LAMA3: variants seen among roughly 807,000 people sequenced by gnomAD.
The protein encoded by LAMA3 is laminin subunit alpha 3, also known as laminin subunit alpha-3.
In LAMA3, 281 loss-of-function variants were observed where a neutral mutation model predicts 402.0. That is an observed-to-expected ratio of 0.70 (90% CI 0.63 to 0.77). The LOEUF is 0.77. Ranked by LOEUF, LAMA3 falls within the 30% of genes least tolerant of loss-of-function variation. LAMA3 has a pLI of 0.00. For missense variants in LAMA3, 3,840 were observed against 4,215.5 expected, an observed-to-expected ratio of 0.91 and a Z score of 2.47; for synonymous variants, 1,431 against 1,558.4, an observed-to-expected ratio of 0.92 and a Z score of 1.93.
At chr18:23,709,161 C>T (rs1394315357) in intron 1 of LAMA3, among the ~76,000 whole-genome samples, 1 of 151,984 alleles carries the variant, frequency 6.6e-6, no homozygotes, top group African/African-American at 2.4e-5. Flanking sequence ...ACCTCAGCCT[C>T]CTGGACTCAA....
At chr18:23,903,245 G>C (rs2081133094) in intron 49 of LAMA3, 120 bp downstream of exon 49, 1 of 700,680 alleles carries the variant, frequency 1.4e-6, no homozygotes, top group Non-Finnish European at 2.6e-6. Flanking sequence ...TTAGATGGAA[G>C]AGAATATAAT....
At chr18:23,835,208 C>T (rs1004191807) in intron 24 of LAMA3, among the ~76,000 whole-genome samples, 2 of 152,210 alleles carry the variant, frequency 1.3e-5, no homozygotes, top group Admixed American at 6.5e-5. Flanking sequence ...CATTTGTCCA[C>T]GCCCACCCAC....
intron 8 of LAMA3, among the ~76,000 whole-genome samples, chr18:23,767,057 C>T (rs954242261): frequency 6.6e-6 from 1 of 152,028 alleles, no homozygotes; most frequent in African/African-American, 2.4e-5. Context: ...TTTCTATGCA[C>T]CAATAATGTT....
chr18:23,836,870 C>G (rs1046004615), intron 24 of LAMA3, 111 bp from the exon 25 acceptor site: 1 of 747,558 alleles, frequency 1.3e-6, no homozygotes, highest in Non-Finnish European at 2.4e-6. Flanking sequence ...CACTATAATT[C>G]ATTCAGTTAT....
intron 56 of LAMA3, 149 bp from the exon 57 acceptor site, chr18:23,914,261 T>C (rs2081532607): frequency 2.6e-6 from 2 of 759,988 alleles, no homozygotes; most frequent in Non-Finnish European, 2.2e-6. Context: ...TCTATATTAT[T>C]CTATAAAATA....
At chr18:23,912,674 G>A (rs1241835981) in intron 55 of LAMA3, 37 bp from the exon 56 acceptor site, 1 of 1,579,200 alleles carries the variant, frequency 6.3e-7, no homozygotes, top group Admixed American at 1.7e-5. Flanking sequence ...TTTCTTCACA[G>A]GACAGTGTTT....
At chr18:23,728,134 G>C (rs1261679337) in intron 2 of LAMA3, among the ~76,000 whole-genome samples, 5 of 152,126 alleles carry the variant, frequency 3.3e-5, no homozygotes. Flanking sequence ...CTCAGATTTG[G>C]TGATGTAGTT....
chr18:23,928,302 A>G (rs976294497), intron 63 of LAMA3, 62 bp downstream of exon 63: 2 of 1,045,756 alleles, frequency 1.9e-6, no homozygotes, highest in Admixed American at 1.8e-5. Context: ...TTCCGTATCC[A>G]TTAACGCAGC....
chr18:23,801,858 T>TA (rs1220852005), intron 12 of LAMA3, among the ~76,000 whole-genome samples: 3 of 152,224 alleles, frequency 2.0e-5, no homozygotes, highest in Non-Finnish European at 4.4e-5. Context: ...AATGTCTATT[T>TA]ATATCCTTTG....
intron 22 of LAMA3, 61 bp from the exon 23 acceptor site, chr18:23,827,253 A>G (rs1182618290): frequency 6.5e-7 from 1 of 1,546,450 alleles, no homozygotes; most frequent in Non-Finnish European, 8.9e-7. Context: ...ATGTACTTTG[A>G]TATTCCGTTT....
At chr18:23,794,820 C>T (rs1413151032) in intron 12 of LAMA3, among the ~76,000 whole-genome samples, 1 of 152,108 alleles carries the variant, frequency 6.6e-6, no homozygotes, top group African/African-American at 2.4e-5. Context: ...TAAAGGGACT[C>T]CATGATTTTG....
chr18:23,802,183 T>G (rs1163888883), intron 12 of LAMA3, among the ~76,000 whole-genome samples: 1 of 152,196 alleles, frequency 6.6e-6, no homozygotes, highest in Admixed American at 6.5e-5. Context: ...AGATGCCCAA[T>G]CAGGTATAAT....
intron 9 of LAMA3, among the ~76,000 whole-genome samples, chr18:23,774,543 C>T (rs2062272175): frequency 6.6e-6 from 1 of 152,186 alleles, no homozygotes; most frequent in Non-Finnish European, 1.5e-5. Flanking sequence ...CATAACTCTT[C>T]TATTATACAG....
intron 39 of LAMA3, among the ~76,000 whole-genome samples, chr18:23,877,826 C>A (rs1406451668): frequency 6.6e-6 from 1 of 152,080 alleles, no homozygotes; most frequent in Non-Finnish European, 1.5e-5. Context: ...AGAATAAATA[C>A]GTTGGCCGGG....
chr18:23,861,589 C>A, intron 34 of LAMA3, 57 bp from the exon 35 acceptor site: 1 of 1,598,528 alleles, frequency 6.3e-7, no homozygotes, highest in Non-Finnish European at 8.6e-7. Context: ...GCACCCATCA[C>A]CCCAGGGATG....
intron 2 of LAMA3, among the ~76,000 whole-genome samples, chr18:23,730,655 C>T (rs771384803): frequency 6.6e-6 from 1 of 152,118 alleles, no homozygotes; most frequent in Non-Finnish European, 1.5e-5. Flanking sequence ...GCATGAACCA[C>T]CGTGCCCAGG....
At chr18:23,923,073 T>C (rs2081894902) in intron 62 of LAMA3, among the ~76,000 whole-genome samples, 1 of 152,168 alleles carries the variant, frequency 6.6e-6, no homozygotes, top group South Asian at 2.1e-4. Context: ...AGTCAGTGTA[T>C]GTGAAGCACC....
At chr18:23,949,174 C>T (rs2082818100) in intron 70 of LAMA3, among the ~76,000 whole-genome samples, 1 of 152,214 alleles carries the variant, frequency 6.6e-6, no homozygotes, top group South Asian at 2.1e-4. Flanking sequence ...TGTCAATGCA[C>T]ACTGTGTCTT....
chr18:23,913,017 C>T (rs2081487704), intron 56 of LAMA3, 136 bp downstream of exon 56: 5 of 807,674 alleles, frequency 6.2e-6, no homozygotes, highest in Admixed American at 2.0e-5. Flanking sequence ...CGACAAATCC[C>T]TCCAGCTTCC....
Sources: allele counts gnomAD v4.1 joint callset (sites outside exome capture counted in the v4.1 genomes callset), GRCh38; gene constraint gnomAD v4.1.1; transcripts MANE v1.5; gene names NCBI Gene and HGNC (gene_info 2026-07-23, HGNC 2026-07-21).